Variants in SHLD1 observed in about 807,000 individuals in gnomAD.
SHLD1 encodes RINN1-REV7-interacting novel NHEJ regulator 3.
Under a neutral mutation model 5.5 loss-of-function variants are expected in SHLD1, and 3 were observed. That is an observed-to-expected ratio of 0.54 (90% CI 0.25 to 1.40). The LOEUF is 1.40. Among genes scored for constraint, SHLD1 ranks in the 40% most tolerant of loss-of-function variants. The pLI, the probability that SHLD1 is intolerant of heterozygous loss-of-function variation, is 0.15. For synonymous variants in SHLD1, 92 were observed against 94.3 expected (o/e 0.98, Z 0.14); for missense variants, 210 against 244.4 (o/e 0.86, Z 0.94).
intron 2 of SHLD1, among the ~76,000 whole-genome samples, chr20:5,848,877 G>A (rs534414953): frequency 4.6e-5 from 7 of 152,268 alleles, no homozygotes; most frequent in African/African-American, 1.7e-4. Context: ...TTAGGATGAA[G>A]GGTGATAGCA....
chr20:5,775,923 ATTTTTTTT>A (rs533313849), intron 2 of SHLD1, among the ~76,000 whole-genome samples: 2,386 of 77,736 alleles, frequency 0.031, 206 homozygotes, highest in African/African-American at 0.13. Flanking sequence ...TCAGCTCAGG[ATTTTTTTT>A]TTTTTTTTTT....
intron 2 of SHLD1, among the ~76,000 whole-genome samples, chr20:5,836,787 A>C (rs1451786003): frequency 6.6e-6 from 1 of 152,192 alleles, no homozygotes; most frequent in African/African-American, 2.4e-5. Flanking sequence ...AAGAGCTTCC[A>C]ATGAGCATTT....
intron 1 of SHLD1, among the ~76,000 whole-genome samples, chr20:5,762,745 C>G (rs925804899): frequency 1.3e-5 from 2 of 151,874 alleles, no homozygotes; most frequent in Non-Finnish European, 2.9e-5. Flanking sequence ...GAGACTGAGG[C>G]AGGTGGGTCA....
intron 2 of SHLD1, among the ~76,000 whole-genome samples, chr20:5,807,760 T>C (rs1406116585): frequency 6.6e-6 from 1 of 152,222 alleles, no homozygotes; most frequent in African/African-American, 2.4e-5. Context: ...TCAGAATTTA[T>C]GCTCCCTAGA....
At chr20:5,857,313 G>A (rs1447184881) in intron 2 of SHLD1, among the ~76,000 whole-genome samples, 3 of 152,098 alleles carry the variant, frequency 2.0e-5, no homozygotes. Flanking sequence ...AGTTTAAAAG[G>A]GGACCCATGA....
intron 2 of SHLD1, among the ~76,000 whole-genome samples, chr20:5,852,539 T>C (rs1312367301): frequency 6.6e-6 from 1 of 151,876 alleles, no homozygotes; most frequent in Non-Finnish European, 1.5e-5. Flanking sequence ...AACCTCCACC[T>C]CCTGGGTTCA....
intron 2 of SHLD1, among the ~76,000 whole-genome samples, chr20:5,846,152 G>C (rs2087930437): frequency 1.3e-5 from 2 of 152,142 alleles, no homozygotes; most frequent in South Asian, 4.1e-4. Flanking sequence ...TGTTTTGATA[G>C]AAATCTTGTT....
intron 2 of SHLD1, among the ~76,000 whole-genome samples, chr20:5,801,321 C>T (rs1298715958): frequency 1.3e-5 from 2 of 152,108 alleles, no homozygotes; most frequent in African/African-American, 4.8e-5. Context: ...AGCGATCCAC[C>T]CACTTCCGCC....
At chr20:5,756,271 T>A (rs1984092976) in intron 1 of SHLD1, among the ~76,000 whole-genome samples, 1 of 151,730 alleles carries the variant, frequency 6.6e-6, no homozygotes, top group African/African-American at 2.4e-5. Flanking sequence ...GGCAATATAG[T>A]GAGACCCCCA....
intron 2 of SHLD1, among the ~76,000 whole-genome samples, chr20:5,834,964 A>G (rs1029165897): frequency 2.0e-5 from 3 of 152,094 alleles, no homozygotes; most frequent in African/African-American, 7.2e-5. Context: ...TCATCTCCCA[A>G]TGGCCCTATG....
chr20:5,863,261 A>T lies in SHLD1; in HGVS notation c.416A>T (p.Lys139Met). 6.2e-7 allele frequency: 1 copy of T among 1,614,210 alleles called. No individual in the cohort carries two copies. The highest frequency in any genetic ancestry group is 8.5e-7 in the Non-Finnish European group (1 of 1,180,028). ...ITQLRGQESQ[K>M]YALRSFQMAR... ...CAACTAAGAGGCCAGGAGAGCCAAA[A>T]GTATGCCCTCCGCAGTTTTCAAATG... Residue 139 changes from lysine to methionine, a missense_variant, in exon 3 of 3, where the codon AAG becomes ATG. Physicochemically the swap from Lys to Met is moderately conservative, Grantham distance 95. Transcript: ENST00000303142.
rs117207553 is a variant in SHLD1 at position 5,857,625 on chromosome 20, G to A, written c.179-5399G>A. Among the ~76,000 whole-genome samples the A allele has an allele frequency of 0.014, 2,166 of 151,990 alleles. 98 individuals are homozygous for A. In the East Asian group the frequency reaches 0.17, roughly 12 times the overall value. Reference sequence around the variant, plus strand: ...GGAGTTTGAGATCAGCCTGGGCAACGTGGTGAAACCCCGTCTCTACAAAAA... The same window carrying A: ...GGAGTTTGAGATCAGCCTGGGCAACATGGTGAAACCCCGTCTCTACAAAAA... On this transcript the variant is annotated intron_variant, in intron 2 of 2. Coordinates refer to ENST00000303142, the MANE Select transcript of SHLD1 (RefSeq NM_152504.4).
chr20:5,755,707 G>C (rs192892391), intron 1 of SHLD1, among the ~76,000 whole-genome samples: 2 of 151,868 alleles, frequency 1.3e-5, no homozygotes, highest in African/African-American at 2.4e-5. Flanking sequence ...TTACAGGCAC[G>C]CACCACCGCG....
intron 2 of SHLD1, among the ~76,000 whole-genome samples, chr20:5,792,504 C>G (rs1302508655): frequency 6.6e-6 from 1 of 152,040 alleles, no homozygotes; most frequent in Non-Finnish European, 1.5e-5. Context: ...ACTGCAACCT[C>G]TGCTTCCTGG....
At chr20:5,782,769 G>A (rs897202141) in intron 2 of SHLD1, among the ~76,000 whole-genome samples, 1 of 151,998 alleles carries the variant, frequency 6.6e-6, no homozygotes, top group Non-Finnish European at 1.5e-5. Context: ...AAAAAAGTTT[G>A]TTGTCTTCCT....
chr20:5,830,236 G>T (rs1456768349), intron 2 of SHLD1, among the ~76,000 whole-genome samples: 1 of 152,148 alleles, frequency 6.6e-6, no homozygotes, highest in Non-Finnish European at 1.5e-5. Context: ...CCCTTTATCA[G>T]ATAAATAAAT....
At chr20:5,796,339 TAAA>T (rs933664025) in intron 2 of SHLD1, among the ~76,000 whole-genome samples, 1 of 152,154 alleles carries the variant, frequency 6.6e-6, no homozygotes, top group African/African-American at 2.4e-5. Context: ...TATATTACTA[TAAA>T]AAGGCATAGA....
chr20:5,814,961 A>C (rs943612260), intron 2 of SHLD1, among the ~76,000 whole-genome samples: 1 of 152,080 alleles, frequency 6.6e-6, no homozygotes, highest in Non-Finnish European at 1.5e-5. Flanking sequence ...CCCCAAAATT[A>C]CTTTTTCTAA....
At chr20:5,862,252 A>G (rs1234871580) in intron 2 of SHLD1, among the ~76,000 whole-genome samples, 1 of 152,240 alleles carries the variant, frequency 6.6e-6, no homozygotes, top group Non-Finnish European at 1.5e-5. Context: ...CTATAATATG[A>G]TATGAAAATA....
Sources: allele counts gnomAD v4.1 joint callset (sites outside exome capture counted in the v4.1 genomes callset), GRCh38; gene constraint gnomAD v4.1.1; transcripts MANE v1.5; gene names NCBI Gene and HGNC (gene_info 2026-07-23, HGNC 2026-07-21).